The following DLG2 variants were observed in gnomAD, a reference collection of about 807,000 sequenced individuals.
The protein encoded by DLG2 is discs large MAGUK scaffold protein 2, also known as disks large homolog 2.
In DLG2, 45 loss-of-function variants were observed where a neutral mutation model predicts 132.5. The observed-to-expected ratio is 0.34, with a 90% CI of 0.27 to 0.44. The LOEUF is 0.44. Ranked by LOEUF, DLG2 falls within the 20% of genes least tolerant of loss-of-function variation. The pLI, the probability that DLG2 is intolerant of heterozygous loss-of-function variation, is 1.00. For synonymous variants in DLG2, 424 were observed against 419.6 expected (o/e 1.01, Z -0.13); for missense variants, 1,045 against 1,196.9 (o/e 0.87, Z 1.87).
intron 7 of DLG2, among the ~76,000 whole-genome samples, chr11:84,333,139 A>G (rs78078829): frequency 0.015 from 2,254 of 152,332 alleles, 58 homozygotes; most frequent in African/African-American, 0.051. Context: ...AAAGAGTGCT[A>G]TAAGGATAAA....
At chr11:84,423,029 G>C (rs902694771) in intron 7 of DLG2, among the ~76,000 whole-genome samples, 1 of 152,128 alleles carries the variant, frequency 6.6e-6, no homozygotes, top group Admixed American at 6.5e-5. Flanking sequence ...CAGAATAACT[G>C]TAAAGGGTAG....
intron 11 of DLG2, among the ~76,000 whole-genome samples, chr11:84,000,701 A>G (rs922928559): frequency 7.2e-5 from 11 of 152,144 alleles, no homozygotes; most frequent in Admixed American, 2.0e-4. Flanking sequence ...AGGAAATGCA[A>G]TGATATATTA....
intron 5 of DLG2, among the ~76,000 whole-genome samples, chr11:85,141,576 A>G (rs1176716594): frequency 6.6e-6 from 1 of 151,592 alleles, no homozygotes; most frequent in Non-Finnish European, 1.5e-5. Context: ...TCATTTTTCT[A>G]TTTATGCTTT....
chr11:84,155,924 T>A (rs1157787712), intron 9 of DLG2, among the ~76,000 whole-genome samples: 1 of 152,128 alleles, frequency 6.6e-6, no homozygotes, highest in Non-Finnish European at 1.5e-5. Flanking sequence ...AATGACATAA[T>A]CATTTTTATG....
At chr11:84,762,611 T>C (rs546677504) in intron 6 of DLG2, among the ~76,000 whole-genome samples, 1 of 152,308 alleles carries the variant, frequency 6.6e-6, no homozygotes, top group Non-Finnish European at 1.5e-5. Context: ...TTTTTCTCTC[T>C]TCTACTTCTT....
intron 3 of DLG2, among the ~76,000 whole-genome samples, chr11:85,432,608 G>T (rs2091255335): frequency 6.6e-6 from 1 of 151,584 alleles, no homozygotes. Context: ...ACGGAGGCAG[G>T]CAAGACTAGA....
At chr11:84,035,776 C>G (rs902713931) in intron 11 of DLG2, among the ~76,000 whole-genome samples, 2 of 152,126 alleles carry the variant, frequency 1.3e-5, no homozygotes. Context: ...AGTTTGAGTA[C>G]TACTGCAGTA....
At chr11:83,553,375 A>G (rs1198400461) in intron 19 of DLG2, among the ~76,000 whole-genome samples, 1 of 152,150 alleles carries the variant, frequency 6.6e-6, no homozygotes, top group African/African-American at 2.4e-5. Context: ...GACAACCTAG[A>G]TTCAATAAAA....
rs545217113 is a variant in DLG2 at position 85,064,697 on chromosome 11, A to G, written c.357+46964T>C. 3.2e-4 allele frequency among the ~76,000 whole-genome samples: 49 copies of G among 151,862 alleles called. 2 individuals carry two copies. Among genetic ancestry groups the G allele is most frequent in the African/African-American group, 1.2e-3 (48 of 41,516 alleles). On this transcript the variant is annotated intron_variant, in intron 6 of 27. Transcript: ENST00000376104. ...AGATGTTGCTTTGAAGGTATTTTTT[A>G]CATATGATTAGCATTCAGAATCAGT...
At chr11:83,725,004 C>T in intron 18 of DLG2, 1 of 683,154 alleles carries the variant, frequency 1.5e-6, no homozygotes, top group Non-Finnish European at 2.7e-6. Context: ...GAGTGGTGGC[C>T]AAAGCCTGTT....
chr11:85,216,115 G>A (rs1300104810), intron 4 of DLG2, among the ~76,000 whole-genome samples: 1 of 151,674 alleles, frequency 6.6e-6, no homozygotes, highest in Non-Finnish European at 1.5e-5. Context: ...CAGGAGTTCA[G>A]ATCCACCCTG....
chr11:84,775,438 G>T (rs1039309111), intron 6 of DLG2, among the ~76,000 whole-genome samples: 2 of 152,078 alleles, frequency 1.3e-5, no homozygotes, highest in African/African-American at 4.8e-5. Flanking sequence ...ATATCCAAGA[G>T]AAAATAAATC....
At position 83,639,214 on chromosome 11, in the gene DLG2, G is replaced by T. The variant is rs141112127; in HGVS notation, c.1826-5889C>A. 4.2e-4 allele frequency among the ~76,000 whole-genome samples: 64 copies of T among 152,316 alleles called. No individual in the cohort carries two copies. The East Asian group carries it at 0.011, about 26-fold the overall frequency. ...CCCTCCCCCTTTCCCAAGTGAGATG[G>T]TGGGCAGCATGCCCCTCGATCAGTC... On this transcript the variant is annotated intron_variant, in intron 18 of 27. Coordinates refer to ENST00000376104, the MANE Select transcript of DLG2 (RefSeq NM_001142699.3).
chr11:84,501,392 C>A (rs1452640302), intron 7 of DLG2, among the ~76,000 whole-genome samples: 2 of 152,106 alleles, frequency 1.3e-5, no homozygotes, highest in African/African-American at 4.8e-5. Context: ...TGGCGAAAAC[C>A]CGTCTTGACT....
chr11:84,203,827 C>G (rs182731173), intron 8 of DLG2, among the ~76,000 whole-genome samples: 1 of 152,280 alleles, frequency 6.6e-6, no homozygotes, highest in African/African-American at 2.4e-5. Flanking sequence ...CTAATAGAGG[C>G]TGGTCTTAAT....
chr11:85,035,836 C>T (rs998224017), intron 6 of DLG2, among the ~76,000 whole-genome samples: 9 of 152,248 alleles, frequency 5.9e-5, no homozygotes, highest in Non-Finnish European at 1.2e-4. Context: ...ACATGCTTAT[C>T]TTGAGTTATG....
intron 6 of DLG2, among the ~76,000 whole-genome samples, chr11:84,780,393 C>T (rs1447017231): frequency 6.6e-6 from 1 of 151,722 alleles, no homozygotes; most frequent in African/African-American, 2.4e-5. Flanking sequence ...AAAATATAGG[C>T]CATATATAAT....
At chr11:85,444,217 G>A (rs1297281358) in intron 3 of DLG2, among the ~76,000 whole-genome samples, 1 of 152,070 alleles carries the variant, frequency 6.6e-6, no homozygotes, top group Admixed American at 6.6e-5. Flanking sequence ...CAACAGAAAT[G>A]AAACATAATT....
intron 18 of DLG2, among the ~76,000 whole-genome samples, chr11:83,730,130 T>C (rs1172153438): frequency 6.7e-6 from 1 of 149,178 alleles, no homozygotes; most frequent in Non-Finnish European, 1.5e-5. Flanking sequence ...CATTTCCTTC[T>C]AGGTGTTTTT....
Sources: gnomAD v4.1 joint callset for allele counts (sites outside exome capture counted in the v4.1 genomes callset) on GRCh38, gnomAD v4.1.1 for gene constraint, MANE v1.5 for transcripts, NCBI Gene and HGNC (gene_info 2026-07-23, HGNC 2026-07-21) for gene names.